Variants in AGAP1 observed in about 807,000 individuals in gnomAD.
AGAP1 encodes the protein ArfGAP with GTPase domain, ankyrin repeat and PH domain 1.
AGAP1 carries 29 observed loss-of-function variants against 105.3 expected under a neutral mutation model. The ratio of observed to expected loss-of-function variants is 0.28; its 90% confidence interval spans 0.21 to 0.38. The LOEUF is 0.38. Ranked by LOEUF, AGAP1 falls within the 10% of genes least tolerant of loss-of-function variation. The pLI, the probability that AGAP1 is intolerant of heterozygous loss-of-function variation, is 1.00. For missense variants in AGAP1, 998 were observed against 1,165.1 expected, an observed-to-expected ratio of 0.86 and a Z score of 2.09; for synonymous variants, 509 against 485.9, an observed-to-expected ratio of 1.05 and a Z score of -0.63.
Position 235,733,068 on chromosome 2 carries a change from CCTT to C in AGAP1, c.311-7891_311-7889del, listed in dbSNP as rs1952042861. Among the ~76,000 whole-genome samples, 1 of 152,168 alleles carries C rather than the reference CCTT, an allele frequency of 6.6e-6. No homozygotes were observed. Among genetic ancestry groups the C allele is most frequent in the African/African-American group, 2.4e-5 (1 of 41,448 alleles). ...GCTGCCTCCCGTTGAAAGAGTCTGC[CCTT>C]CTTTAGGGACCAGGGCTCTGCTCTT... On this transcript the variant is annotated intron_variant, in intron 3 of 17. Transcript: ENST00000304032. The surrounding 1 kb of genome is among the most constrained non-coding windows in gnomAD (Gnocchi z 5.0).
chr2:236,033,364 C>T (rs2057284628), intron 13 of AGAP1, among the ~76,000 whole-genome samples: 1 of 152,176 alleles, frequency 6.6e-6, no homozygotes, highest in South Asian at 2.1e-4. Context: ...TGTATTTGTT[C>T]CCCTAAGTAG....
In AGAP1 at chr2:235,965,858, G is replaced by A. The variant is rs1298412721; in HGVS notation, c.1484-2604G>A. On this transcript the variant is annotated intron_variant, in intron 12 of 17. Coordinates refer to ENST00000304032, the MANE Select transcript of AGAP1 (RefSeq NM_001037131.3). This position sits in a 1 kb window ranked among gnomAD's most constrained non-coding sequence, Gnocchi z 5.8. ...TGACGCAGTGGAGAGGGAGGAATGA[G>A]TGGAAGTGACCTGGCCAAGACACCT... Among the ~76,000 whole-genome samples the A allele has an allele frequency of 6.6e-6, 1 of 152,188 alleles. No homozygotes were observed. The highest frequency in any genetic ancestry group is 6.5e-5 in the Admixed American group (1 of 15,280).
intron 1 of AGAP1, among the ~76,000 whole-genome samples, chr2:235,573,986 C>A (rs907204216): frequency 1.3e-5 from 2 of 152,224 alleles, no homozygotes; most frequent in African/African-American, 4.8e-5. Flanking sequence ...TTATTGACCC[C>A]TCCCTTCCTG....
intron 1 of AGAP1, among the ~76,000 whole-genome samples, chr2:235,686,624 TATATATATATATATATATATA>T: frequency 3.0e-5 from 1 of 33,322 alleles, no homozygotes; most frequent in East Asian, 8.0e-4. Flanking sequence ...GATATAGATA[TATATATATATATATATATATA>T]GATATATATA....
chr2:236,085,683 G>A (rs1448416889), intron 16 of AGAP1, among the ~76,000 whole-genome samples: 1 of 152,232 alleles, frequency 6.6e-6, no homozygotes, highest in Non-Finnish European at 1.5e-5. Flanking sequence ...ACTGGGGGCT[G>A]GAAGAGGGTT....
chr2:235,729,369 C>T lies in AGAP1; in HGVS notation c.311-11594C>T, dbSNP rs1366411996. 1.3e-5 allele frequency among the ~76,000 whole-genome samples: 2 copies of T among 152,156 alleles called. No homozygotes were observed. Among genetic ancestry groups the T allele is most frequent in the South Asian group, 2.1e-4 (1 of 4,832 alleles). On this transcript the variant is annotated intron_variant, in intron 3 of 17. Coordinates refer to ENST00000304032, the MANE Select transcript of AGAP1 (RefSeq NM_001037131.3). The surrounding 1 kb of genome is among the most constrained non-coding windows in gnomAD (Gnocchi z 5.0). ...GGGAGCCCCAGGGAGCCTGGCAGTA[C>T]CTCAGTGGCAGATGCAGCTCGTTCC...
At chr2:235,880,259 G>T (rs1237987281) in intron 9 of AGAP1, among the ~76,000 whole-genome samples, 2 of 152,012 alleles carry the variant, frequency 1.3e-5, no homozygotes, top group Non-Finnish European at 2.9e-5. Flanking sequence ...ATTTCCTCAC[G>T]AAAGTACCTC....
Position 235,621,510 on chromosome 2 carries a change from CAT to C in AGAP1, c.164-87668_164-87667del, listed in dbSNP as rs1156710588. 6.6e-6 allele frequency among the ~76,000 whole-genome samples: 1 copy of C among 152,178 alleles called. No homozygotes were observed. On this transcript the variant is annotated intron_variant, in intron 1 of 17. Transcript: ENST00000304032. The surrounding 1 kb of genome is among the most constrained non-coding windows in gnomAD (Gnocchi z 4.1). ...TTACCTCCTATACCTACGAGGCTGT[CAT>C]GTGAATGTGTCAAGGGCCCTGTCAC...
chr2:235,500,594 A>G (rs542131136), intron 1 of AGAP1, among the ~76,000 whole-genome samples: 1 of 152,324 alleles, frequency 6.6e-6, no homozygotes, highest in African/African-American at 2.4e-5. Flanking sequence ...AGGTGAAGAC[A>G]CCTAAGGCCA....
At chr2:236,091,794 G>A (rs1399520013) in intron 16 of AGAP1, among the ~76,000 whole-genome samples, 1 of 152,086 alleles carries the variant, frequency 6.6e-6, no homozygotes, top group Non-Finnish European at 1.5e-5. Context: ...ATAAAACTTA[G>A]GTTTACACAA....
In AGAP1 at chr2:235,720,036, C is replaced by T. The variant is rs780679242; in HGVS notation, c.310+2392C>T. On this transcript the variant is annotated intron_variant, in intron 3 of 17. Coordinates refer to ENST00000304032, the MANE Select transcript of AGAP1 (RefSeq NM_001037131.3). The surrounding 1 kb of genome is among the most constrained non-coding windows in gnomAD (Gnocchi z 5.0). ...AGACCAGGGAATGGACTTCTACTTCCTGTTCATGTGACTGTGTGCCTCATG... is the reference window on the plus strand; with the variant it reads ...AGACCAGGGAATGGACTTCTACTTCTTGTTCATGTGACTGTGTGCCTCATG... 6.6e-6 allele frequency among the ~76,000 whole-genome samples: 1 copy of T among 152,190 alleles called. No homozygotes were observed. The highest frequency in any genetic ancestry group is 1.5e-5 in the Non-Finnish European group (1 of 68,038).
intron 9 of AGAP1, among the ~76,000 whole-genome samples, chr2:235,835,066 G>C (rs558199466): frequency 2.0e-5 from 3 of 152,168 alleles, no homozygotes; most frequent in Non-Finnish European, 4.4e-5. Flanking sequence ...CACCTCCCCC[G>C]TTCCCGATTC....
chr2:235,759,146 A>G (rs925335963), intron 6 of AGAP1, among the ~76,000 whole-genome samples: 1 of 142,258 alleles, frequency 7.0e-6, no homozygotes, highest in Admixed American at 7.1e-5. Flanking sequence ...CGTTAGCCCT[A>G]GGGTTGTTGA....
At chr2:235,572,165 T>C (rs911185833) in intron 1 of AGAP1, among the ~76,000 whole-genome samples, 23 of 151,584 alleles carry the variant, frequency 1.5e-4, no homozygotes, top group Admixed American at 3.3e-4. Flanking sequence ...ATGAAGAAAG[T>C]GTTACCAGGT....
chr2:235,704,300 TTGAAGA>T (rs1324266602), intron 1 of AGAP1, among the ~76,000 whole-genome samples: 1 of 152,138 alleles, frequency 6.6e-6, no homozygotes, highest in Non-Finnish European at 1.5e-5. Flanking sequence ...TTTTGAAAAA[TTGAAGA>T]TGAAGAGTAA....
At chr2:235,869,124 T>C (rs2106553739) in intron 9 of AGAP1, among the ~76,000 whole-genome samples, 1 of 152,264 alleles carries the variant, frequency 6.6e-6, no homozygotes, top group East Asian at 1.9e-4. Context: ...ACAAACAAGT[T>C]AAAATTTGTC....
intron 1 of AGAP1, among the ~76,000 whole-genome samples, chr2:235,595,778 G>A (rs919444672): frequency 6.6e-6 from 1 of 152,180 alleles, no homozygotes; most frequent in Non-Finnish European, 1.5e-5. Flanking sequence ...AGTTGACAGC[G>A]ATATGAGGTG....
At chr2:235,980,337 A>G (rs2055039902) in intron 13 of AGAP1, among the ~76,000 whole-genome samples, 1 of 152,168 alleles carries the variant, frequency 6.6e-6, no homozygotes, top group African/African-American at 2.4e-5. Context: ...TTTAGTTGGA[A>G]TTGATTACCT....
intron 1 of AGAP1, among the ~76,000 whole-genome samples, chr2:235,693,171 C>T (rs752217905): frequency 2.6e-5 from 4 of 152,068 alleles, no homozygotes; most frequent in Non-Finnish European, 5.9e-5. Context: ...CTTGAGCTCC[C>T]GCCTGAGGGT....
Sources: gnomAD v4.1 joint callset for allele counts (sites outside exome capture counted in the v4.1 genomes callset) on GRCh38, gnomAD v4.1.1 for gene constraint, Gnocchi (gnomAD v3.1) non-coding constraint, MANE v1.5 for transcripts, NCBI Gene and HGNC (gene_info 2026-07-23, HGNC 2026-07-21) for gene names.